The following COL12A1 variants were observed in gnomAD, a reference collection of about 807,000 sequenced individuals.
COL12A1 encodes the protein collagen type XII alpha 1 chain.
In COL12A1, 114 loss-of-function variants were observed where a neutral mutation model predicts 349.7. That is an observed-to-expected ratio of 0.33 (90% CI 0.28 to 0.38). COL12A1 has a LOEUF of 0.38. Among genes scored for constraint, COL12A1 ranks in the 10% least tolerant of loss-of-function variants. The pLI is 1.00. For missense variants in COL12A1, 3,284 were observed against 3,756.9 expected, an observed-to-expected ratio of 0.87 and a Z score of 3.29; for synonymous variants, 1,369 against 1,329.0, an observed-to-expected ratio of 1.03 and a Z score of -0.66.
chr6:75,133,194 C>T, intron 34 of COL12A1, 99 bp downstream of exon 34: 1 of 1,138,784 alleles, frequency 8.8e-7, no homozygotes. Context: ...AATTCTATCA[C>T]ACCAAACTTT....
At chr6:75,158,730 T>C (rs746856235) in intron 14 of COL12A1, among the ~76,000 whole-genome samples, 1 of 151,750 alleles carries the variant, frequency 6.6e-6, no homozygotes, top group Non-Finnish European at 1.5e-5. Flanking sequence ...TAAAGATAAA[T>C]CTAAAATGAA....
chr6:75,152,319 T>C lies in COL12A1; in HGVS notation c.3715+14A>G, dbSNP rs758631589. 1.2e-6 allele frequency: 2 copies of C among 1,613,428 alleles called. No homozygotes were observed. The highest frequency in any genetic ancestry group is 4.5e-5 in the East Asian group (2 of 44,854). ...TAAAAATGTCTAAATGGCTCCAATG[T>C]TGTCAGAACCTACCAATTTGTACTC... On this transcript the variant is annotated intron_variant, in intron 18 of 65. Coordinates refer to ENST00000322507, the MANE Select transcript of COL12A1 (RefSeq NM_004370.6).
chr6:75,156,240 T>A lies in COL12A1; in HGVS notation c.3250+17A>T. ...ATTACCTTCTCTCCCCCTCAAAATA[T>A]AATTATTATTTCATACCTGTTGTTC... On this transcript the variant is annotated intron_variant, in intron 15 of 65. Transcript: ENST00000322507. 1 of 1,611,740 alleles carries A rather than the reference T, an allele frequency of 6.2e-7. No homozygotes were observed. Among genetic ancestry groups the A allele is most frequent in the Non-Finnish European group, 8.5e-7 (1 of 1,178,448 alleles).
intron 52 of COL12A1, among the ~76,000 whole-genome samples, chr6:75,108,597 T>A (rs1021770552): frequency 6.6e-6 from 1 of 152,172 alleles, no homozygotes; most frequent in African/African-American, 2.4e-5. Flanking sequence ...TGTGAGCAAA[T>A]GTGGGCTCTG....
intron 2 of COL12A1, among the ~76,000 whole-genome samples, chr6:75,200,161 A>G (rs948174746): frequency 1.3e-5 from 2 of 152,176 alleles, no homozygotes; most frequent in Admixed American, 6.5e-5. Flanking sequence ...GACCCCAGAA[A>G]GGCTTTGGCC....
intron 23 of COL12A1, among the ~76,000 whole-genome samples, chr6:75,146,880 G>C (rs1223145899): frequency 6.6e-6 from 1 of 152,114 alleles, no homozygotes; most frequent in Non-Finnish European, 1.5e-5. Flanking sequence ...TAATATAAAG[G>C]GATATAAGAG....
chr6:75,174,887 GA>G, intron 13 of COL12A1, 150 bp downstream of exon 13: 1 of 913,224 alleles, frequency 1.1e-6, no homozygotes. Context: ...GAATAACAGA[GA>G]GCTTTATGGT....
intron 52 of COL12A1, among the ~76,000 whole-genome samples, chr6:75,107,459 C>T (rs971765492): frequency 1.3e-5 from 2 of 151,854 alleles, no homozygotes; most frequent in African/African-American, 4.8e-5. Context: ...TTAGTAGAGA[C>T]GGGGTCTTAC....
At position 75,188,425 on chromosome 6, in the gene COL12A1, T is replaced by A. The variant is rs1291942090; in HGVS notation, c.934A>T (p.Ile312Phe). Residue 312 changes from isoleucine to phenylalanine, a missense_variant, in exon 8 of 66, where the codon ATC becomes TTC. Physicochemically the swap from Ile to Phe is conservative, Grantham distance 21. Transcript: ENST00000322507. ...ACACCTGAGCACACCTGGGAGATGA[T>A]CTCATTCTGAATATCCACAATTGCA... ...FDAIVDIQNE[I>F]ISQVCSGVDE... 2.5e-6 allele frequency: 4 copies of A among 1,613,668 alleles called. No individual in the cohort carries two copies. The highest frequency in any genetic ancestry group is 3.4e-6 in the Non-Finnish European group (4 of 1,179,680).
At chr6:75,148,648 G>A (rs1767323568) in intron 21 of COL12A1, 151 bp from the exon 22 acceptor site, 1 of 660,482 alleles carries the variant, frequency 1.5e-6, no homozygotes, top group Admixed American at 3.0e-5. Context: ...ATCTGTATTA[G>A]AGGCTCATCA....
At chr6:75,098,372 G>A (rs528423145) in intron 58 of COL12A1, among the ~76,000 whole-genome samples, 1 of 152,180 alleles carries the variant, frequency 6.6e-6, no homozygotes, top group South Asian at 2.1e-4. Context: ...GGCAAAGCTG[G>A]GCTGGATGCA....
In COL12A1 at chr6:75,113,199, T is replaced by A. The variant is rs771300269; in HGVS notation, c.7950+5A>T. 4 of 1,475,692 alleles carry A rather than the reference T, an allele frequency of 2.7e-6. No individual in the cohort carries two copies. Among genetic ancestry groups the A allele is most frequent in the Non-Finnish European group, 2.7e-6 (3 of 1,092,046 alleles). The allele number at this position is 1,475,692 out of a possible 1,614,324, so 91.4% of individuals were successfully genotyped here. ...AATAAGACTCAAATAATCTTATGTT[T>A]TTACCTTGTGAAAACTTCCATAAAA... On this transcript the variant is annotated splice_donor_5th_base_variant and intron_variant, in intron 51 of 65. Coordinates refer to ENST00000322507, the MANE Select transcript of COL12A1 (RefSeq NM_004370.6).
intron 44 of COL12A1, 31 bp from the exon 45 acceptor site, chr6:75,119,504 T>A (rs773018321): frequency 3.8e-6 from 6 of 1,578,034 alleles, no homozygotes; most frequent in Non-Finnish European, 5.2e-6. Context: ...GCAGTGAGCA[T>A]AAGTCATCTC....
Position 75,130,138 on chromosome 6 carries a change from A to G in COL12A1, c.6163T>C (p.Tyr2055His). The change falls in exon 37 of 66, where the codon TAC (tyrosine) becomes CAC (histidine). Residue 2055 changes from tyrosine to histidine, a missense_variant. Physicochemically the swap from Tyr to His is moderately conservative, Grantham distance 83. Coordinates refer to ENST00000322507, the MANE Select transcript of COL12A1 (RefSeq NM_004370.6). ...WDHADGPVQQ[Y>H]RIIYSPTVGD... is the part of the protein sequence containing the mutation. ...ACAGTGGGAGAATAGATGATCCTGT[A>G]CTGCTGAACTGGCCCATCAGCATGA... is the stretch of plus-strand genomic sequence containing the variant. 1 of 1,614,176 alleles carries G rather than the reference A, an allele frequency of 6.2e-7. No individual in the cohort carries two copies. Among genetic ancestry groups the G allele is most frequent in the Non-Finnish European group, 8.5e-7 (1 of 1,179,994 alleles).
chr6:75,137,437 C>G lies in COL12A1; in HGVS notation c.5394G>C (p.Thr1798=). 1 of 1,578,496 alleles carries G rather than the reference C, an allele frequency of 6.3e-7. No individual in the cohort carries two copies. The highest frequency in any genetic ancestry group is 8.6e-7 in the Non-Finnish European group (1 of 1,166,986). ...QPSTGEGNEQ[T]TTIGGRQNSV... Reference sequence around the variant, plus strand: ...GTTATAATTTTTATTAAAAAATTACCGTTTGCTCATTGCCTTCCCCTGTGG... The same window carrying G: ...GTTATAATTTTTATTAAAAAATTACGGTTTGCTCATTGCCTTCCCCTGTGG... The change falls in exon 31 of 66, where the codon ACG becomes ACC. Residue 1798 remains threonine (T), a splice_region_variant and synonymous_variant. Coordinates refer to ENST00000322507, the MANE Select transcript of COL12A1 (RefSeq NM_004370.6).
chr6:75,169,455 T>C (rs563504248), intron 13 of COL12A1, among the ~76,000 whole-genome samples: 62 of 152,296 alleles, frequency 4.1e-4, no homozygotes, highest in African/African-American at 1.4e-3. Context: ...GCAACCCTAG[T>C]AGACTTTTTG....
chr6:75,137,708 A>C (rs1766694471), intron 30 of COL12A1, 129 bp from the exon 31 acceptor site: 1 of 997,032 alleles, frequency 1.0e-6, no homozygotes. Flanking sequence ...TTCCCTTAAT[A>C]AAAATGGTTA....
At chr6:75,153,984 TA>T (rs1465711556) in intron 17 of COL12A1, among the ~76,000 whole-genome samples, 19 of 152,066 alleles carry the variant, frequency 1.2e-4, no homozygotes, top group African/African-American at 3.9e-4. Context: ...CTACATTTAG[TA>T]AAAACTCTTT....
In COL12A1 at chr6:75,086,512, A is replaced by G. The variant is rs1378543419; in HGVS notation, c.*35T>C. The G allele has an allele frequency of 2.5e-6, 4 of 1,601,192 alleles. No individual in the cohort carries two copies. In the Admixed American group the frequency reaches 5.1e-5, roughly 20 times the overall value. On this transcript the variant is annotated 3_prime_UTR_variant, in exon 66 of 66. Coordinates refer to ENST00000322507, the MANE Select transcript of COL12A1 (RefSeq NM_004370.6). The stretch of plus-strand genomic sequence containing the variant: ...TCAGAAACAGGATTTTCATGTATTC[A>G]AACTGTAAGCAGCACTGGCGACTTA...
Sources: gnomAD v4.1 joint callset for allele counts (sites outside exome capture counted in the v4.1 genomes callset) on GRCh38, gnomAD v4.1.1 for gene constraint, MANE v1.5 for transcripts, NCBI Gene and HGNC (gene_info 2026-07-23, HGNC 2026-07-21) for gene names.